Variants in DTNB observed in about 807,000 individuals in gnomAD.
The protein encoded by DTNB is dystrobrevin beta.
In DTNB, 63 loss-of-function variants were observed where a neutral mutation model predicts 90.7. That is an observed-to-expected ratio of 0.69 (90% CI 0.57 to 0.86). DTNB has a LOEUF of 0.86. Among genes scored for constraint, DTNB ranks in the 40% least tolerant of loss-of-function variants. The probability of loss-of-function intolerance (pLI) is 0.00; values close to 1 mark genes in which losing one functional copy is unlikely to be tolerated. For missense variants in DTNB, 744 were observed against 807.1 expected, an observed-to-expected ratio of 0.92 and a Z score of 0.95; for synonymous variants, 277 against 286.7, an observed-to-expected ratio of 0.97 and a Z score of 0.34.
intron 8 of DTNB, among the ~76,000 whole-genome samples, chr2:25,556,424 C>T (rs112986187): frequency 1.3e-5 from 2 of 152,268 alleles, no homozygotes; most frequent in Non-Finnish European, 2.9e-5. Context: ...CAATCTCCTA[C>T]ATTTTTTGCA....
intron 20 of DTNB, among the ~76,000 whole-genome samples, chr2:25,377,829 A>C (rs2036272108): frequency 6.6e-6 from 1 of 152,122 alleles, no homozygotes; most frequent in Non-Finnish European, 1.5e-5. Flanking sequence ...AAGGGCAGGG[A>C]GGACTGAGGT....
At chr2:25,619,002 C>T (rs1357244320) in intron 4 of DTNB, among the ~76,000 whole-genome samples, 2 of 152,132 alleles carry the variant, frequency 1.3e-5, no homozygotes, top group African/African-American at 4.8e-5. Flanking sequence ...TCTGAAGTCC[C>T]CACCTGTTCC....
Position 25,573,189 on chromosome 2 carries a change from G to A in DTNB, c.876+3649C>T, listed in dbSNP as rs185678334. On this transcript the variant is annotated intron_variant, in intron 8 of 20. Transcript: ENST00000406818. Reference sequence around the variant, plus strand: ...CTCAAACTCCTGACCTCAGATATCTGCCCGCCTTGGCCTCCCAAACTGCTC... The same window carrying A: ...CTCAAACTCCTGACCTCAGATATCTACCCGCCTTGGCCTCCCAAACTGCTC... Among the ~76,000 whole-genome samples the A allele has an allele frequency of 1.6e-3, 242 of 151,864 alleles. 2 individuals are homozygous for A. Among genetic ancestry groups the A allele is most frequent in the African/African-American group, 5.4e-3 (226 of 41,494 alleles).
chr2:25,468,845 A>T (rs2062262774), intron 10 of DTNB, among the ~76,000 whole-genome samples: 1 of 152,194 alleles, frequency 6.6e-6, no homozygotes, highest in Non-Finnish European at 1.5e-5. Context: ...TAGGATAATG[A>T]CTTATCCTAC....
At chr2:25,592,084 A>T (rs959741704) in intron 6 of DTNB, among the ~76,000 whole-genome samples, 3 of 150,170 alleles carry the variant, frequency 2.0e-5, no homozygotes, top group Admixed American at 6.6e-5. Flanking sequence ...AAAAAAAAAA[A>T]ATATGCCTAC....
At chr2:25,555,291 C>CAAAA (rs1194525010) in intron 8 of DTNB, among the ~76,000 whole-genome samples, 2 of 53,960 alleles carry the variant, frequency 3.7e-5, no homozygotes, top group African/African-American at 7.1e-5. Flanking sequence ...ACTCCGTCTC[C>CAAAA]AAAAAAAAAA....
chr2:25,643,698 A>T (rs2078843598), intron 2 of DTNB, among the ~76,000 whole-genome samples: 1 of 152,188 alleles, frequency 6.6e-6, no homozygotes, highest in African/African-American at 2.4e-5. Flanking sequence ...AGAGGACTCC[A>T]CACTGCGTTC....
chr2:25,621,446 CTT>C (rs35400547), intron 4 of DTNB, among the ~76,000 whole-genome samples: 4 of 132,672 alleles, frequency 3.0e-5, no homozygotes, highest in Non-Finnish European at 1.6e-5. Context: ...GCTAAATCAA[CTT>C]TTTTTTTTTT....
intron 10 of DTNB, among the ~76,000 whole-genome samples, chr2:25,456,288 T>C (rs1338978687): frequency 6.6e-6 from 1 of 152,178 alleles, no homozygotes; most frequent in Admixed American, 6.5e-5. Flanking sequence ...CAGGGACGAG[T>C]GGCTAAAAGC....
intron 1 of DTNB, among the ~76,000 whole-genome samples, chr2:25,660,668 C>T (rs1459888128): frequency 6.6e-6 from 1 of 152,138 alleles, no homozygotes; most frequent in Non-Finnish European, 1.5e-5. Context: ...TATTATATTG[C>T]TAAGATTCAC....
chr2:25,505,620 T>A (rs2072203404), intron 9 of DTNB, among the ~76,000 whole-genome samples: 1 of 152,130 alleles, frequency 6.6e-6, no homozygotes, highest in African/African-American at 2.4e-5. Flanking sequence ...TATTTGGGGT[T>A]TGCTTGCTCC....
chr2:25,427,180 AACACAC>A (rs3041256), intron 15 of DTNB, among the ~76,000 whole-genome samples: 4,582 of 139,608 alleles, frequency 0.033, 97 homozygotes, highest in African/African-American at 0.035. Flanking sequence ...TCCATCTCAA[AACACAC>A]ACACACACAC....
At chr2:25,536,999 C>T (rs2079979237) in intron 8 of DTNB, among the ~76,000 whole-genome samples, 1 of 152,208 alleles carries the variant, frequency 6.6e-6, no homozygotes, top group South Asian at 2.1e-4. Flanking sequence ...CCTCAGCCTC[C>T]CAAAGTGCTG....
chr2:25,414,795 G>A (rs2047486674), intron 16 of DTNB, among the ~76,000 whole-genome samples: 2 of 152,108 alleles, frequency 1.3e-5, no homozygotes, highest in South Asian at 2.1e-4. Flanking sequence ...GGCGGGGGAT[G>A]TAATAGTGAA....
intron 8 of DTNB, among the ~76,000 whole-genome samples, chr2:25,572,927 G>C (rs571976397): frequency 5.3e-5 from 8 of 152,172 alleles, no homozygotes; most frequent in African/African-American, 1.9e-4. Context: ...TTGGCTGTAT[G>C]ATAGAATCAC....
At chr2:25,451,662 G>A (rs1163653771) in intron 11 of DTNB, 27 bp from the exon 12 acceptor site, 1 of 1,546,886 alleles carries the variant, frequency 6.5e-7, no homozygotes, top group South Asian at 1.2e-5. Flanking sequence ...AATGCAACAA[G>A]TGTCTATTAA....
intron 9 of DTNB, among the ~76,000 whole-genome samples, chr2:25,524,473 G>A (rs945161158): frequency 1.4e-5 from 2 of 147,218 alleles, no homozygotes; most frequent in African/African-American, 5.0e-5. Context: ...AATTCGGACT[G>A]ATAAATAGTT....
intron 5 of DTNB, among the ~76,000 whole-genome samples, chr2:25,600,351 A>C (rs1285464637): frequency 6.6e-6 from 1 of 152,202 alleles, no homozygotes; most frequent in African/African-American, 2.4e-5. Flanking sequence ...TTCTTCATAG[A>C]GGCAACTCTT....
chr2:25,605,705 A>G (rs887038179), intron 5 of DTNB, among the ~76,000 whole-genome samples: 2 of 152,160 alleles, frequency 1.3e-5, no homozygotes, highest in East Asian at 1.9e-4. Flanking sequence ...AGTCTCCCCA[A>G]TATTAATAAA....
Sources: gnomAD v4.1 joint callset for allele counts (sites outside exome capture counted in the v4.1 genomes callset) on GRCh38, gnomAD v4.1.1 for gene constraint, MANE v1.5 for transcripts, NCBI Gene and HGNC (gene_info 2026-07-23, HGNC 2026-07-21) for gene names.